SNCAIP: variants seen among roughly 807,000 people sequenced by gnomAD.
The protein encoded by SNCAIP is synphilin-1.
SNCAIP carries 43 observed loss-of-function variants against 86.7 expected under a neutral mutation model. That is an observed-to-expected ratio of 0.50 (90% CI 0.39 to 0.64). The LOEUF (loss-of-function observed/expected upper bound fraction) is 0.64. SNCAIP is among the 30% of genes least tolerant of loss of function. The pLI is 0.00. For missense variants in SNCAIP, 981 were observed against 1,103.1 expected (o/e 0.89, Z 1.57); for synonymous variants, 417 against 427.2 (o/e 0.98, Z 0.29).
At chr5:122,359,150 T>C (rs1436562839) in intron 1 of SNCAIP, among the ~76,000 whole-genome samples, 1 of 151,982 alleles carries the variant, frequency 6.6e-6, no homozygotes, top group Non-Finnish European at 1.5e-5. Context: ...AAGAATTCTG[T>C]CAGAAATAAT....
intron 8 of SNCAIP, among the ~76,000 whole-genome samples, chr5:122,447,767 A>G (rs1218414163): frequency 6.6e-6 from 1 of 152,274 alleles, no homozygotes; most frequent in East Asian, 1.9e-4. Context: ...TGTTACTGGA[A>G]CACAGCCACA....
intron 1 of SNCAIP, among the ~76,000 whole-genome samples, chr5:122,385,693 G>A (rs934005004): frequency 6.6e-6 from 1 of 152,014 alleles, no homozygotes. Context: ...GTGTGTGTGT[G>A]TGTGTGTGTG....
At chr5:122,365,608 G>A (rs114838933) in intron 1 of SNCAIP, among the ~76,000 whole-genome samples, 4,544 of 152,312 alleles carry the variant, frequency 0.03, 87 homozygotes, top group Middle Eastern at 0.055. Context: ...GAGCCTGTGA[G>A]GCGGAGATTG....
chr5:122,457,109 T>C (rs578219211), intron 10 of SNCAIP, among the ~76,000 whole-genome samples: 1 of 152,156 alleles, frequency 6.6e-6, no homozygotes, highest in African/African-American at 2.4e-5. Context: ...TCAGGCAATT[T>C]TCCTGCCTCA....
chr5:122,372,262 G>C (rs1271863648), intron 1 of SNCAIP, among the ~76,000 whole-genome samples: 2 of 152,094 alleles, frequency 1.3e-5, no homozygotes. Context: ...TTCTAAAAGA[G>C]CTCTCCTCCG....
intron 1 of SNCAIP, among the ~76,000 whole-genome samples, chr5:122,381,688 C>T (rs1190002817): frequency 6.6e-6 from 1 of 151,612 alleles, no homozygotes; most frequent in South Asian, 2.1e-4. Flanking sequence ...ACCGGTTGTT[C>T]CTTTCCATGT....
At chr5:122,348,613 T>C (rs74727584) in intron 1 of SNCAIP, among the ~76,000 whole-genome samples, 25,620 of 152,094 alleles carry the variant, frequency 0.17, 2,314 homozygotes, top group South Asian at 0.3. Flanking sequence ...GGAAATTGAT[T>C]ATAAGTATTC....
chr5:122,458,290 T>C (rs542909811), intron 10 of SNCAIP, among the ~76,000 whole-genome samples: 1 of 152,274 alleles, frequency 6.6e-6, no homozygotes, highest in African/African-American at 2.4e-5. Context: ...CCATTTGCTT[T>C]CAACAAGCCG....
intron 1 of SNCAIP, among the ~76,000 whole-genome samples, chr5:122,334,920 T>G (rs568350858): frequency 1.3e-5 from 2 of 152,128 alleles, no homozygotes; most frequent in Admixed American, 6.6e-5. Flanking sequence ...AGGTGTGGAT[T>G]TGGGGACTAC....
At chr5:122,436,831 G>T (rs1291895464) in intron 6 of SNCAIP, 1 of 152,108 alleles carries the variant, frequency 6.6e-6, no homozygotes, top group East Asian at 1.9e-4. Flanking sequence ...TAAACAACTT[G>T]CATTGCCCTT....
At position 122,423,312 on chromosome 5, in the gene SNCAIP, G is replaced by A; in HGVS notation, c.575G>A (p.Cys192Tyr). The change falls in exon 4 of 11, where the codon TGC (cysteine) becomes TAC (tyrosine). Residue 192 changes from cysteine to tyrosine, a missense_variant. Transcript: ENST00000261368. Reference protein sequence around the residue: ...TTINGLSGKACSTGSSESSSS... With the variant: ...TTINGLSGKAYSTGSSESSSS... ...ATCAATGGCCTTTCTGGCAAAGCCT[G>A]CTCTACAGGAAGTTCTGAGAGCTCA... The A allele has an allele frequency of 6.2e-7, 1 of 1,614,178 alleles. No homozygotes were observed. Among genetic ancestry groups the A allele is most frequent in the Non-Finnish European group, 8.5e-7 (1 of 1,180,026 alleles).
intron 1 of SNCAIP, among the ~76,000 whole-genome samples, chr5:122,383,221 A>G (rs1304686369): frequency 6.6e-6 from 1 of 152,226 alleles, no homozygotes; most frequent in African/African-American, 2.4e-5. Context: ...CCTCCGAGCC[A>G]GGTGCGGGAT....
At chr5:122,453,760 T>G (rs1027106222) in intron 10 of SNCAIP, among the ~76,000 whole-genome samples, 1 of 93,832 alleles carries the variant, frequency 1.1e-5, no homozygotes, top group South Asian at 4.2e-4. Flanking sequence ...GACTATCACT[T>G]TTTTTTTTTT....
intron 3 of SNCAIP, among the ~76,000 whole-genome samples, chr5:122,421,619 G>A (rs1451524110): frequency 6.6e-6 from 1 of 152,132 alleles, no homozygotes; most frequent in Non-Finnish European, 1.5e-5. Flanking sequence ...ACTTGTTTCA[G>A]AAGAGAAGCG....
intron 1 of SNCAIP, among the ~76,000 whole-genome samples, chr5:122,363,271 C>T (rs892396365): frequency 2.6e-5 from 4 of 152,168 alleles, no homozygotes; most frequent in African/African-American, 9.7e-5. Flanking sequence ...GCTGAGATTA[C>T]AGGCATGAGC....
intron 1 of SNCAIP, among the ~76,000 whole-genome samples, chr5:122,374,911 G>C (rs1220948567): frequency 6.6e-6 from 1 of 152,076 alleles, no homozygotes; most frequent in Non-Finnish European, 1.5e-5. Context: ...CATATTAGAA[G>C]TATATTAGGT....
At chr5:122,345,414 C>CGAT (rs1219716187) in intron 1 of SNCAIP, among the ~76,000 whole-genome samples, 1 of 152,150 alleles carries the variant, frequency 6.6e-6, no homozygotes, top group African/African-American at 2.4e-5. Context: ...GAGGCTAGAG[C>CGAT]AATCCTAGGG....
At chr5:122,341,963 T>C (rs1047000843) in intron 1 of SNCAIP, among the ~76,000 whole-genome samples, 1 of 152,176 alleles carries the variant, frequency 6.6e-6, no homozygotes, top group Admixed American at 6.5e-5. Context: ...ATAAAGGCAG[T>C]TTCTGCAGCA....
intron 6 of SNCAIP, chr5:122,436,697 G>A (rs1165973043): frequency 6.6e-6 from 1 of 151,844 alleles, no homozygotes; most frequent in African/African-American, 2.4e-5. Flanking sequence ...TTAAAACATG[G>A]ATTGCCACAC....
Sources: gnomAD v4.1 joint callset for allele counts (sites outside exome capture counted in the v4.1 genomes callset) on GRCh38, gnomAD v4.1.1 for gene constraint, MANE v1.5 for transcripts, NCBI Gene and HGNC (gene_info 2026-07-23, HGNC 2026-07-21) for gene names.